SLC9B1: variants seen among roughly 807,000 people sequenced by gnomAD.
SLC9B1 encodes the protein solute carrier family 9 member B1.
SLC9B1 carries 32 observed loss-of-function variants against 51.7 expected under a neutral mutation model. The observed-to-expected ratio is 0.62, with a 90% CI of 0.47 to 0.83. The LOEUF is 0.83. Ranked by LOEUF, SLC9B1 falls within the 40% of genes least tolerant of loss-of-function variation. The pLI is 0.00. For missense variants in SLC9B1, 406 were observed against 613.2 expected (o/e 0.66, Z 3.57); for synonymous variants, 145 against 212.7 (o/e 0.68, Z 2.77).
At chr4:102,918,145 T>C (rs1339371896) in intron 7 of SLC9B1, among the ~76,000 whole-genome samples, 2 of 121,602 alleles carry the variant, frequency 1.6e-5, no homozygotes, top group South Asian at 2.6e-4. Flanking sequence ...TTCAACAAAA[T>C]TGACAAATAA....
intron 3 of SLC9B1, among the ~76,000 whole-genome samples, chr4:102,989,521 T>C (rs890262971): frequency 6.6e-6 from 1 of 151,974 alleles, no homozygotes; most frequent in African/African-American, 2.4e-5. Flanking sequence ...AGGTTTTAAA[T>C]AAAATCCTTT....
intron 7 of SLC9B1, among the ~76,000 whole-genome samples, chr4:102,920,136 A>C (rs1256847048): frequency 6.6e-6 from 1 of 152,238 alleles, no homozygotes; most frequent in Non-Finnish European, 1.5e-5. Context: ...TAACTGGGAC[A>C]CACCTGCCAG....
intron 1 of SLC9B1, among the ~76,000 whole-genome samples, chr4:103,009,850 A>ATTT (rs1740999677): frequency 1.3e-5 from 2 of 152,218 alleles, no homozygotes; most frequent in Admixed American, 6.5e-5. Context: ...TTCTGAACAA[A>ATTT]TGAATTTGAG....
chr4:103,001,528 C>A (rs1051008742), intron 1 of SLC9B1, among the ~76,000 whole-genome samples: 7 of 152,220 alleles, frequency 4.6e-5, no homozygotes, highest in African/African-American at 1.7e-4. Flanking sequence ...AAAATGCCAG[C>A]AGTCTCTTTG....
At chr4:102,990,053 G>T in intron 2 of SLC9B1, 112 bp from the exon 3 acceptor site, 1 of 841,832 alleles carries the variant, frequency 1.2e-6, no homozygotes, top group Non-Finnish European at 1.8e-6. Flanking sequence ...TCAATGCGAG[G>T]AATCACAGAT....
intron 3 of SLC9B1, among the ~76,000 whole-genome samples, chr4:102,950,124 G>A (rs185797066): frequency 1.1e-4 from 16 of 152,230 alleles, no homozygotes; most frequent in African/African-American, 3.9e-4. Context: ...GAGGATGACT[G>A]GCTGTGATAA....
chr4:102,958,095 T>C (rs1425663962), intron 3 of SLC9B1, among the ~76,000 whole-genome samples: 1 of 152,180 alleles, frequency 6.6e-6, no homozygotes, highest in Non-Finnish European at 1.5e-5. Flanking sequence ...AGTTTGGATA[T>C]GTGTCCCTGC....
At chr4:102,974,518 TATAA>T (rs1330603680) in intron 3 of SLC9B1, among the ~76,000 whole-genome samples, 5 of 152,086 alleles carry the variant, frequency 3.3e-5, no homozygotes, top group Non-Finnish European at 5.9e-5. Context: ...AAGTGAATAC[TATAA>T]ATGACTATAT....
chr4:102,939,092 G>A (rs1258226752), intron 6 of SLC9B1, among the ~76,000 whole-genome samples: 1 of 151,318 alleles, frequency 6.6e-6, no homozygotes, highest in African/African-American at 2.4e-5. Flanking sequence ...CTAAAAGCTG[G>A]TTCTTCGAGA....
chr4:102,969,312 C>T (rs1012900933), intron 3 of SLC9B1, among the ~76,000 whole-genome samples: 1 of 152,186 alleles, frequency 6.6e-6, no homozygotes, highest in African/African-American at 2.4e-5. Flanking sequence ...GCAATATTTG[C>T]TGTTCTGCAG....
chr4:102,994,475 T>C (rs1292965541), intron 1 of SLC9B1, among the ~76,000 whole-genome samples: 2 of 152,190 alleles, frequency 1.3e-5, no homozygotes, highest in African/African-American at 2.4e-5. Flanking sequence ...GTTCCACACT[T>C]TCCCACATCT....
intron 7 of SLC9B1, among the ~76,000 whole-genome samples, chr4:102,917,983 C>A (rs1173033176): frequency 6.7e-6 from 1 of 148,368 alleles, no homozygotes; most frequent in Non-Finnish European, 1.5e-5. Flanking sequence ...GCAGGAGAGT[C>A]ACTTGAACCG....
intron 7 of SLC9B1, among the ~76,000 whole-genome samples, chr4:102,923,238 G>A (rs1735975579): frequency 6.6e-6 from 1 of 152,066 alleles, no homozygotes; most frequent in Non-Finnish European, 1.5e-5. Flanking sequence ...TTCATCCCTG[G>A]GATGCAAGGC....
intron 6 of SLC9B1, among the ~76,000 whole-genome samples, chr4:102,937,479 C>A (rs1432853607): frequency 4.9e-5 from 7 of 143,120 alleles, no homozygotes; most frequent in Non-Finnish European, 1.1e-4. Context: ...GTAATCCCAG[C>A]ACTTTGGGAG....
At chr4:102,936,936 A>C (rs1021929420) in intron 6 of SLC9B1, among the ~76,000 whole-genome samples, 4 of 152,270 alleles carry the variant, frequency 2.6e-5, no homozygotes, top group African/African-American at 9.6e-5. Flanking sequence ...ACCATCCCCA[A>C]GACATCCCCA....
At position 102,946,642 on chromosome 4, in the gene SLC9B1, T is replaced by C; in HGVS notation, c.525+5A>G. 2 of 1,600,900 alleles carry C rather than the reference T, an allele frequency of 1.2e-6. No individual in the cohort carries two copies. Among genetic ancestry groups the C allele is most frequent in the African/African-American group, 1.3e-5 (1 of 74,204 alleles). ...ACCTTACTCGATTTGTAATTGTAAA[T>C]CTACCTGTGGATCGAGTCCAAGCCC... On this transcript the variant is annotated splice_donor_5th_base_variant and intron_variant, in intron 5 of 11. Transcript: ENST00000296422.
intron 1 of SLC9B1, among the ~76,000 whole-genome samples, chr4:103,007,591 C>CTTTTTTTTT (rs58447131): frequency 5.6e-5 from 6 of 107,748 alleles, no homozygotes; most frequent in African/African-American, 2.3e-4. Flanking sequence ...CTCTTGTCAT[C>CTTTTTTTTT]TTTTTTTTTT....
chr4:102,906,416 AC>A (rs1735057731), intron 10 of SLC9B1, 119 bp downstream of exon 10: 1 of 549,234 alleles, frequency 1.8e-6, no homozygotes, highest in Non-Finnish European at 3.1e-6. Context: ...CACTGTATCA[AC>A]ATGTGTTTCT....
At chr4:102,889,993 G>C (rs1233734528) in intron 11 of SLC9B1, 1 of 134,022 alleles carries the variant, frequency 7.5e-6, no homozygotes, top group African/African-American at 3.0e-5. Flanking sequence ...TGCGTCACAT[G>C]ATTGTTTTGA....
Sources: allele counts gnomAD v4.1 joint callset (sites outside exome capture counted in the v4.1 genomes callset), GRCh38; gene constraint gnomAD v4.1.1; transcripts MANE v1.5; gene names NCBI Gene and HGNC (gene_info 2026-07-23, HGNC 2026-07-21).